CSMD1: variants seen among roughly 807,000 people sequenced by gnomAD.
CSMD1 encodes CUB and sushi domain-containing protein 1.
A neutral mutation model predicts 417.5 loss-of-function variants in CSMD1; 213 were observed. The ratio of observed to expected loss-of-function variants is 0.51; its 90% CI spans 0.46 to 0.57. The LOEUF (loss-of-function observed/expected upper bound fraction) is 0.57, where lower values mean the gene tolerates loss of function less well. Among genes scored for constraint, CSMD1 ranks in the 20% least tolerant of loss-of-function variants. The pLI is 0.00. For missense variants in CSMD1, 6,923 were observed against 4,529.7 expected (o/e 1.53, Z -15.17); for synonymous variants, 2,862 against 1,736.8 (o/e 1.65, Z -16.11).
At chr8:4,565,430 T>C (rs1734145690) in intron 2 of CSMD1, among the ~76,000 whole-genome samples, 1 of 152,062 alleles carries the variant, frequency 6.6e-6, no homozygotes, top group African/African-American at 2.4e-5. Flanking sequence ...TCAATAGCAA[T>C]TTTTTCAAGT....
rs569796923 is a variant in CSMD1 at position 4,433,129 on chromosome 8, T to G, written c.303-13064A>C. 3.9e-5 allele frequency among the ~76,000 whole-genome samples: 6 copies of G among 152,230 alleles called. No homozygotes were observed. In the South Asian group the frequency reaches 1.0e-3, roughly 26 times the overall value. On this transcript the variant is annotated intron_variant, in intron 2 of 69. Coordinates refer to ENST00000635120, the MANE Select transcript of CSMD1 (RefSeq NM_033225.6). ...ATCACCTCCAGATGGGACTGACCAGTTGCAGAAAAACAAGCTCAGAGCTCC... is the reference window on the plus strand; with the variant it reads ...ATCACCTCCAGATGGGACTGACCAGGTGCAGAAAAACAAGCTCAGAGCTCC...
chr8:3,741,241 A>AAC lies in CSMD1; in HGVS notation c.931+12688_931+12689insGT, dbSNP rs1554527932. 2.6e-3 allele frequency among the ~76,000 whole-genome samples: 345 copies of AAC among 134,574 alleles called. 4 individuals are homozygous for AAC. The highest frequency in any genetic ancestry group is 8.6e-3 in the African/African-American group (317 of 37,006). 88.3% of individuals were successfully genotyped at this position (134,574 alleles called of 152,430 possible). ...AAAAAAAAAAAAAAAAAAAAAAAAAACATACAGAAGAAGAAGGTAGAGGAG... is the reference window on the plus strand; with the variant it reads ...AAAAAAAAAAAAAAAAAAAAAAAAAAACCATACAGAAGAAGAAGGTAGAGGAG... On this transcript the variant is annotated intron_variant, in intron 6 of 69. Transcript: ENST00000635120.
chr8:3,721,904 C>G (rs1049785355), intron 6 of CSMD1, among the ~76,000 whole-genome samples: 3 of 152,128 alleles, frequency 2.0e-5, no homozygotes, highest in East Asian at 3.9e-4. Flanking sequence ...TGACTGTCCA[C>G]AATGGGAAGT....
At chr8:4,534,023 A>G (rs1330875638) in intron 2 of CSMD1, among the ~76,000 whole-genome samples, 1 of 151,796 alleles carries the variant, frequency 6.6e-6, no homozygotes, top group African/African-American at 2.4e-5. Flanking sequence ...GTGGATAAAC[A>G]GAACAGTCTT....
chr8:4,762,317 A>G (rs773546687), intron 1 of CSMD1, among the ~76,000 whole-genome samples: 3 of 152,170 alleles, frequency 2.0e-5, no homozygotes, highest in Non-Finnish European at 2.9e-5. Flanking sequence ...GTTTACTGGT[A>G]TAACATTTAA....
Position 3,602,236 on chromosome 8 carries a change from C to T in CSMD1, c.1097+14474G>A, listed in dbSNP as rs111724518. 5.3e-3 allele frequency among the ~76,000 whole-genome samples: 804 copies of T among 152,274 alleles called. 9 individuals carry two copies. The highest frequency in any genetic ancestry group is 0.018 in the African/African-American group (759 of 41,564). On this transcript the variant is annotated intron_variant, in intron 8 of 69. Coordinates refer to ENST00000635120, the MANE Select transcript of CSMD1 (RefSeq NM_033225.6). ...TCCTGACCAATTAAACCAGAACCTT[C>T]GGGGTAACTGGAGTGTGTTTAATTG... is the stretch of plus-strand genomic sequence containing the variant.
At chr8:4,718,225 T>G (rs2116895806) in intron 1 of CSMD1, among the ~76,000 whole-genome samples, 1 of 152,246 alleles carries the variant, frequency 6.6e-6, no homozygotes, top group Middle Eastern at 3.4e-3. Flanking sequence ...GATTCTCCTG[T>G]CTCAGCCTCC....
intron 42 of CSMD1, among the ~76,000 whole-genome samples, 194 bp downstream of exon 42, chr8:3,118,205 T>C (rs910528340): frequency 1.3e-5 from 2 of 152,216 alleles, no homozygotes; most frequent in Non-Finnish European, 2.9e-5. Context: ...GCAACAAGGA[T>C]TGTTTCTTTA....
At chr8:3,082,814 T>C (rs1814203622) in intron 49 of CSMD1, among the ~76,000 whole-genome samples, 1 of 152,230 alleles carries the variant, frequency 6.6e-6, no homozygotes, top group African/African-American at 2.4e-5. Context: ...ACTTTTATTT[T>C]GGACAGTGTG....
intron 3 of CSMD1, among the ~76,000 whole-genome samples, chr8:4,182,391 T>C (rs1252246335): frequency 6.6e-6 from 1 of 152,122 alleles, no homozygotes; most frequent in East Asian, 1.9e-4. Context: ...TTAAAACTTA[T>C]TAGAGAGATC....
At chr8:3,785,981 A>G (rs1799435971) in intron 5 of CSMD1, among the ~76,000 whole-genome samples, 1 of 152,190 alleles carries the variant, frequency 6.6e-6, no homozygotes, top group Non-Finnish European at 1.5e-5. Context: ...TTTCCCCAGG[A>G]GACCTGAGTA....
At chr8:3,349,209 T>A (rs112418838) in intron 21 of CSMD1, among the ~76,000 whole-genome samples, 7 of 152,196 alleles carry the variant, frequency 4.6e-5, no homozygotes, top group African/African-American at 1.7e-4. Flanking sequence ...CCTTTTCCAC[T>A]GGGTTGCTCA....
chr8:3,675,041 A>G (rs1799300101), intron 7 of CSMD1, among the ~76,000 whole-genome samples: 1 of 152,170 alleles, frequency 6.6e-6, no homozygotes, highest in Non-Finnish European at 1.5e-5. Flanking sequence ...AGGTGGATGT[A>G]TTAATATCCA....
intron 1 of CSMD1, among the ~76,000 whole-genome samples, chr8:4,692,981 G>A (rs1012256069): frequency 4.6e-5 from 7 of 152,112 alleles, no homozygotes; most frequent in African/African-American, 1.7e-4. Flanking sequence ...TTTCTGCCAT[G>A]GTTCCTGGAA....
intron 6 of CSMD1, among the ~76,000 whole-genome samples, chr8:3,743,862 G>A (rs181126612): frequency 2.6e-4 from 40 of 152,216 alleles, no homozygotes; most frequent in Middle Eastern, 3.4e-3. Flanking sequence ...TTTCGTCTAT[G>A]TTATCGTATG....
In CSMD1 at chr8:4,789,263, C is replaced by G. The variant is rs1029801969; in HGVS notation, c.86-151705G>C. 4.7e-4 allele frequency among the ~76,000 whole-genome samples: 71 copies of G among 152,312 alleles called. 1 individual carries two copies. The highest frequency in any genetic ancestry group is 4.1e-4 in the South Asian group (2 of 4,828). ...ACTGTTTCTCATCTATGAAGATGAT[C>G]TGAATTATAATCCCCGGTTTCTAAT... On this transcript the variant is annotated intron_variant, in intron 1 of 69. Transcript: ENST00000635120.
intron 10 of CSMD1, among the ~76,000 whole-genome samples, chr8:3,553,593 C>A (rs1168590172): frequency 1.3e-5 from 2 of 152,164 alleles, no homozygotes; most frequent in African/African-American, 4.8e-5. Context: ...AGAACATAAA[C>A]CATAACTGTG....
intron 8 of CSMD1, among the ~76,000 whole-genome samples, chr8:3,594,582 T>G (rs748954535): frequency 1.3e-5 from 2 of 152,204 alleles, no homozygotes; most frequent in Non-Finnish European, 2.9e-5. Context: ...CCTACCTTCC[T>G]GTTTTGAAGT....
intron 1 of CSMD1, among the ~76,000 whole-genome samples, chr8:4,956,770 A>G (rs1434562510): frequency 2.0e-5 from 3 of 152,146 alleles, no homozygotes; most frequent in Admixed American, 6.5e-5. Context: ...GAGACTTCAC[A>G]AACAGGACAA....
Sources: allele counts gnomAD v4.1 joint callset (sites outside exome capture counted in the v4.1 genomes callset), GRCh38; gene constraint gnomAD v4.1.1; transcripts MANE v1.5; gene names NCBI Gene and HGNC (gene_info 2026-07-23, HGNC 2026-07-21).